The following WNT7A variants were observed in gnomAD, a reference collection of about 807,000 sequenced individuals.
The protein encoded by WNT7A is protein Wnt-7a.
In WNT7A, 16 loss-of-function variants were observed where a neutral mutation model predicts 28.2. The ratio of observed to expected loss-of-function variants is 0.57; its 90% CI spans 0.38 to 0.86. The LOEUF (loss-of-function observed/expected upper bound fraction) is 0.86. Among genes scored for constraint, WNT7A ranks in the 40% least tolerant of loss-of-function variants. The pLI is 0.00. For missense variants in WNT7A, 411 were observed against 489.7 expected, an observed-to-expected ratio of 0.84 and a Z score of 1.52; for synonymous variants, 190 against 195.9, an observed-to-expected ratio of 0.97 and a Z score of 0.25.
intron 2 of WNT7A, among the ~76,000 whole-genome samples, chr3:13,866,446 C>T (rs889336652): frequency 2.0e-5 from 3 of 152,212 alleles, no homozygotes; most frequent in African/African-American, 7.2e-5. Flanking sequence ...CAGGGCTGAA[C>T]CACTACACAG....
intron 2 of WNT7A, among the ~76,000 whole-genome samples, chr3:13,861,226 C>A (rs1300459717): frequency 6.6e-6 from 1 of 152,204 alleles, no homozygotes; most frequent in Non-Finnish European, 1.5e-5. Context: ...GGCCTGTGTG[C>A]CCTCCAGGAT....
chr3:13,852,839 C>G (rs1694662349), intron 3 of WNT7A, among the ~76,000 whole-genome samples: 1 of 152,174 alleles, frequency 6.6e-6, no homozygotes, highest in African/African-American at 2.4e-5. Flanking sequence ...ACCGGGGAGT[C>G]CACAGTCCCA....
intron 3 of WNT7A, among the ~76,000 whole-genome samples, chr3:13,843,829 C>G (rs1341158491): frequency 6.6e-6 from 1 of 151,906 alleles, no homozygotes; most frequent in Non-Finnish European, 1.5e-5. Context: ...TCACTGCAAC[C>G]TCTGCCTCCT....
chr3:13,824,084 C>G (rs773411811), intron 3 of WNT7A, among the ~76,000 whole-genome samples: 1 of 152,208 alleles, frequency 6.6e-6, no homozygotes, highest in Non-Finnish European at 1.5e-5. Flanking sequence ...TTTTTTAAAA[C>G]AGCTTTACTG....
At chr3:13,860,189 C>T (rs1243719540) in intron 2 of WNT7A, among the ~76,000 whole-genome samples, 1 of 148,942 alleles carries the variant, frequency 6.7e-6, no homozygotes, top group African/African-American at 2.5e-5. Context: ...ATGTCATTCC[C>T]CATGGTTTTA....
At chr3:13,856,966 AAGGAGAAGAAGAAGAAGAAGG>A (rs1694753770) in intron 2 of WNT7A, among the ~76,000 whole-genome samples, 4 of 120,066 alleles carry the variant, frequency 3.3e-5, no homozygotes, top group African/African-American at 1.6e-4. Flanking sequence ...GAAGAAGAAG[AAGGAGAAGAAGAAGAAGAAGG>A]AGAAGAAGAA....
chr3:13,818,391 T>C lies in WNT7A; in HGVS notation c.*553A>G, dbSNP rs961255346. On this transcript the variant is annotated 3_prime_UTR_variant, in exon 4 of 4. Coordinates refer to ENST00000285018, the MANE Select transcript of WNT7A (RefSeq NM_004625.4). ...AAATGTGTGTGTGTATATCTATATA[T>C]GCATAAAAGATGTCTCCTCTTGTAC... 1 of 123,554 alleles carries C rather than the reference T, an allele frequency of 8.1e-6. No individual in the cohort carries two copies. Among genetic ancestry groups the C allele is most frequent in the Non-Finnish European group, 1.8e-5 (1 of 54,070 alleles). 7.7% of individuals were successfully genotyped at this position (123,554 alleles called of 1,614,324 possible). A position where few individuals can be genotyped will look rare whatever the true frequency, so the allele number is the denominator to read the frequency against.
In WNT7A at chr3:13,879,840, G is replaced by T. The variant is rs1274596540; in HGVS notation, c.-24C>A. 1.2e-6 allele frequency: 2 copies of T among 1,604,570 alleles called. No individual in the cohort carries two copies. Among genetic ancestry groups the T allele is most frequent in the Non-Finnish European group, 8.5e-7 (1 of 1,175,382 alleles). The stretch of plus-strand genomic sequence containing the variant: ...ATAGTCCCGATTGGCCGCCGGGGCC[G>T]CGGGCCGGGCTGTGCTGATCCCGCG... On this transcript the variant is annotated 5_prime_UTR_variant, in exon 1 of 4. Transcript: ENST00000285018.
Position 13,880,034 on chromosome 3 carries a change from G to A in WNT7A, c.-218C>T, listed in dbSNP as rs1695186947. ...GAGGGAGGAGCGAGCGCGGCGTGGG[G>A]CGACGCCGGGCTGCGCGCGAGCGAC... On this transcript the variant is annotated 5_prime_UTR_variant, in exon 1 of 4. Transcript: ENST00000285018. 2.8e-6 allele frequency: 1 copy of A among 359,894 alleles called. No individual in the cohort carries two copies. The highest frequency in any genetic ancestry group is 4.2e-5 in the East Asian group (1 of 23,926). The allele number at this position is 359,894 out of a possible 1,614,324, so 22.3% of individuals were successfully genotyped here.
intron 2 of WNT7A, among the ~76,000 whole-genome samples, chr3:13,856,889 AG>A (rs1559303170): frequency 1.4e-5 from 1 of 70,310 alleles, no homozygotes. Flanking sequence ...AGGAAGAAGA[AG>A]AAAAAGAAGA....
At chr3:13,862,329 G>T (rs1435740283) in intron 2 of WNT7A, among the ~76,000 whole-genome samples, 1 of 152,240 alleles carries the variant, frequency 6.6e-6, no homozygotes, top group African/African-American at 2.4e-5. Flanking sequence ...CTGCCCAAAA[G>T]ATTCCATTCC....
intron 3 of WNT7A, among the ~76,000 whole-genome samples, chr3:13,850,512 AGGTGACTTTTCACTTC>A (rs1694613248): frequency 6.6e-6 from 1 of 152,110 alleles, no homozygotes; most frequent in Admixed American, 6.5e-5. Context: ...AGGGACTGGG[AGGTGACTTTTCACTTC>A]GGCGGAATTC....
At chr3:13,835,616 G>A (rs963905211) in intron 3 of WNT7A, among the ~76,000 whole-genome samples, 5 of 152,246 alleles carry the variant, frequency 3.3e-5, no homozygotes, top group African/African-American at 1.2e-4. Context: ...CCTGGGCTCT[G>A]TCAGGGACAA....
chr3:13,824,366 G>A (rs1053855268), intron 3 of WNT7A, among the ~76,000 whole-genome samples: 8 of 152,184 alleles, frequency 5.3e-5, no homozygotes, highest in Admixed American at 3.3e-4. Context: ...GGCATTTTGC[G>A]TCTCTAGCTT....
chr3:13,856,893 A>AAGAAGAAGAAGAAG (rs1694742752), intron 2 of WNT7A, among the ~76,000 whole-genome samples: 5 of 73,288 alleles, frequency 6.8e-5, no homozygotes, highest in Non-Finnish European at 7.7e-5. Flanking sequence ...AGAAGAAGAA[A>AAGAAGAAGAAGAAG]AAGAAGAAGA....
In WNT7A at chr3:13,880,050, C is replaced by A. The variant is rs1454545068; in HGVS notation, c.-234G>T. ...CGGCGTGGGGCGACGCCGGGCTGCG[C>A]GCGAGCGACCGGTGCAAGTGTGCGA... On this transcript the variant is annotated 5_prime_UTR_variant, in exon 1 of 4. Transcript: ENST00000285018. 1.7e-5 allele frequency: 6 copies of A among 346,052 alleles called. No homozygotes were observed. The highest frequency in any genetic ancestry group is 4.8e-5 in the Admixed American group (1 of 20,748). 21.4% of individuals were successfully genotyped at this position (346,052 alleles called of 1,614,324 possible).
intron 3 of WNT7A, among the ~76,000 whole-genome samples, chr3:13,820,110 C>A (rs1259722841): frequency 6.6e-6 from 1 of 152,172 alleles, no homozygotes; most frequent in Non-Finnish European, 1.5e-5. Context: ...GGGACTAAAG[C>A]TTCTCTCCCT....
At position 13,824,382 on chromosome 3, in the gene WNT7A, A is replaced by G. The variant is rs114183736; in HGVS notation, c.571-4959T>C. On this transcript the variant is annotated intron_variant, in intron 3 of 3. Transcript: ENST00000285018. Reference sequence around the variant, plus strand: ...GCATTTTGCGTCTCTAGCTTCCTTCACTCAGCATAAAGTTTTCAGGGTCTG... The same window carrying G: ...GCATTTTGCGTCTCTAGCTTCCTTCGCTCAGCATAAAGTTTTCAGGGTCTG... Among the ~76,000 whole-genome samples, 1,014 of 152,116 alleles carry G rather than the reference A, an allele frequency of 6.7e-3. 13 individuals are homozygous for G. Among genetic ancestry groups the G allele is most frequent in the African/African-American group, 0.023 (968 of 41,486 alleles).
rs199592697 is a variant in WNT7A at position 13,854,632 on chromosome 3, C to A, written c.470G>T (p.Arg157Leu). ...WKWGGCSADI[R>L]YGIGFAKVFV... is the part of the protein sequence containing the mutation. ...GACCTTGGCGAAGCCGATGCCGTAG[C>A]GGATGTCGGCAGAGCAGCCACCCCA... is the stretch of plus-strand genomic sequence containing the variant. The change falls in exon 3 of 4, where the codon CGC (arginine) becomes CTC (leucine). Residue 157 changes from arginine (R) to leucine (L), a missense_variant. Coordinates refer to ENST00000285018, the MANE Select transcript of WNT7A (RefSeq NM_004625.4). 6.2e-7 allele frequency: 1 copy of A among 1,614,172 alleles called. No individual in the cohort carries two copies. The highest frequency in any genetic ancestry group is 1.3e-5 in the African/African-American group (1 of 75,058).
Sources: allele counts gnomAD v4.1 joint callset (sites outside exome capture counted in the v4.1 genomes callset), GRCh38; gene constraint gnomAD v4.1.1; transcripts MANE v1.5; gene names NCBI Gene and HGNC (gene_info 2026-07-23, HGNC 2026-07-21).